The following IL16 variants were observed in gnomAD, a reference collection of about 807,000 sequenced individuals.
IL16 encodes interleukin 16, also known as pro-interleukin-16.
Under a neutral mutation model 110.1 loss-of-function variants are expected in IL16, and 67 were observed. The ratio of observed to expected loss-of-function variants is 0.61; its 90% CI spans 0.50 to 0.75. The LOEUF is 0.75. Among genes scored for constraint, IL16 ranks in the 30% least tolerant of loss-of-function variants. IL16 has a pLI of 0.00. For missense variants in IL16, 1,545 were observed against 1,655.0 expected (o/e 0.93, Z 1.15); for synonymous variants, 689 against 662.9 (o/e 1.04, Z -0.61).
intron 2 of IL16, among the ~76,000 whole-genome samples, chr15:81,246,093 T>C (rs1216867568): frequency 6.6e-6 from 1 of 152,200 alleles, no homozygotes; most frequent in African/African-American, 2.4e-5. Flanking sequence ...CATCTATGAA[T>C]AATAATGGTT....
chr15:81,201,827 G>A (rs1204605476), intron 1 of IL16, among the ~76,000 whole-genome samples: 15 of 152,222 alleles, frequency 9.9e-5, no homozygotes, highest in Admixed American at 9.2e-4. Context: ...ACACACACGC[G>A]CACACACTGT....
chr15:81,269,680 T>A (rs1260260080), intron 5 of IL16, 32 bp downstream of exon 5: 1 of 1,486,948 alleles, frequency 6.7e-7, no homozygotes, highest in Non-Finnish European at 9.4e-7. Flanking sequence ...CAGGAAGTCC[T>A]GGGGGGCAGC....
At chr15:81,220,762 C>T (rs148287926) in intron 1 of IL16, among the ~76,000 whole-genome samples, 1,409 of 138,478 alleles carry the variant, frequency 0.01, 14 homozygotes, top group Middle Eastern at 0.046. Flanking sequence ...CAAAAACAGG[C>T]ACATGACAGT....
chr15:81,285,855 T>G (rs1899426699), intron 10 of IL16, 25 bp downstream of exon 10: 4 of 1,612,810 alleles, frequency 2.5e-6, no homozygotes, highest in East Asian at 4.5e-5. Context: ...GTTATCCTCT[T>G]CTTCTCAGGC....
chr15:81,228,576 G>A (rs1157273537), intron 2 of IL16, among the ~76,000 whole-genome samples: 2 of 151,964 alleles, frequency 1.3e-5, no homozygotes, highest in Non-Finnish European at 2.9e-5. Flanking sequence ...TGCCCGCCTT[G>A]GCCTCCCAAA....
At chr15:81,196,206 T>C (rs115130397), upstream of IL16, among the ~76,000 whole-genome samples, 39 of 152,318 alleles carry the variant, frequency 2.6e-4, no homozygotes, top group African/African-American at 9.1e-4. Flanking sequence ...AGAAATGAAA[T>C]GCTATGGAAA....
At chr15:81,201,175 G>A (rs77097632) in intron 1 of IL16, among the ~76,000 whole-genome samples, 1,613 of 151,092 alleles carry the variant, frequency 0.011, 30 homozygotes, top group African/African-American at 0.038. Context: ...GTGTGTGTAT[G>A]TGTGGTGAAA....
At chr15:81,256,911 G>T (rs1214630198) in intron 2 of IL16, among the ~76,000 whole-genome samples, 1 of 152,150 alleles carries the variant, frequency 6.6e-6, no homozygotes, top group Non-Finnish European at 1.5e-5. Context: ...ACTTCTCAGT[G>T]CCAGAGGGAG....
intron 1 of IL16, among the ~76,000 whole-genome samples, chr15:81,223,540 T>C (rs1259128485): frequency 6.6e-6 from 1 of 152,222 alleles, no homozygotes; most frequent in Non-Finnish European, 1.5e-5. Context: ...TACTGAGTCC[T>C]AGCTGTGTGA....
At chr15:81,292,047 A>G (rs1386547889) in intron 11 of IL16, 1 of 450,054 alleles carries the variant, frequency 2.2e-6, no homozygotes, top group East Asian at 7.0e-5. Flanking sequence ...CAGAGGGAGG[A>G]CGGAGCTGAG....
At position 81,303,597 on chromosome 15, in the gene IL16, G is replaced by C. The variant is rs1391082494; in HGVS notation, c.3367G>C (p.Gly1123Arg). The C allele has an allele frequency of 6.2e-7, 1 of 1,614,114 alleles. No homozygotes were observed. The highest frequency in any genetic ancestry group is 1.7e-5 in the Admixed American group (1 of 60,030). The change falls in exon 16 of 19, where the codon GGT becomes CGT. Residue 1123 changes from glycine (G) to arginine (R), a missense_variant. Coordinates refer to ENST00000683961, the MANE Select transcript of IL16 (RefSeq NM_172217.5). This position sits in a 1 kb window ranked among gnomAD's most constrained non-coding sequence, Gnocchi z 4.1. ...CATCTTACACAAGGAGGAAGGTGCT[G>C]GTCTTGGGTTCAGCTTGGCAGGAGG... is the stretch of plus-strand genomic sequence containing the variant. The part of the protein sequence containing the change: ...VTILHKEEGA[G>R]LGFSLAGGAD...
intron 2 of IL16, among the ~76,000 whole-genome samples, chr15:81,243,835 G>A (rs1323359923): frequency 6.6e-6 from 1 of 152,160 alleles, no homozygotes; most frequent in Non-Finnish European, 1.5e-5. Flanking sequence ...ATTTATGTGT[G>A]TAGAGTGGTT....
chr15:81,217,923 T>C (rs1055383643), intron 1 of IL16, among the ~76,000 whole-genome samples: 14 of 152,150 alleles, frequency 9.2e-5, no homozygotes, highest in African/African-American at 3.1e-4. Flanking sequence ...GTCAACATTC[T>C]ACATACTAGA....
rs1843112532 is a variant in IL16 at position 81,300,251 on chromosome 15, T to C, written c.2925T>C (p.Cys975=). The change falls in exon 14 of 19, where the codon TGT becomes TGC. Residue 975 remains cysteine (C), a synonymous_variant. Coordinates refer to ENST00000683961, the MANE Select transcript of IL16 (RefSeq NM_172217.5). The stretch of plus-strand genomic sequence containing the variant: ...TCCCCCTGACCAGGTCCCAGTCCTG[T>C]GAGACGAAGCTACTTGACGAAAAGA... The part of the protein sequence containing the change: ...RSFPLTRSQS[C]ETKLLDEKTS... 1 of 1,614,248 alleles carries C rather than the reference T, an allele frequency of 6.2e-7. No homozygotes were observed.
intron 1 of IL16, among the ~76,000 whole-genome samples, chr15:81,216,076 GCC>G (rs1896418782): frequency 6.6e-6 from 1 of 152,226 alleles, no homozygotes; most frequent in Admixed American, 6.5e-5. Context: ...TCCCAGGGAA[GCC>G]AGCCCTGCTC....
At chr15:81,201,982 C>G (rs1433653778) in intron 1 of IL16, among the ~76,000 whole-genome samples, 2 of 152,166 alleles carry the variant, frequency 1.3e-5, no homozygotes, top group Non-Finnish European at 2.9e-5. Context: ...CAGATTTGAA[C>G]CAGAGATGGG....
At chr15:81,203,425 G>A (rs1302942259) in intron 1 of IL16, among the ~76,000 whole-genome samples, 3 of 152,020 alleles carry the variant, frequency 2.0e-5, no homozygotes, top group Admixed American at 6.6e-5. Flanking sequence ...GTATTGCCTA[G>A]GTTTTCTTCC....
At chr15:81,249,701 G>A (rs916560960) in intron 2 of IL16, among the ~76,000 whole-genome samples, 2 of 151,990 alleles carry the variant, frequency 1.3e-5, no homozygotes. Context: ...GATTTGTTGG[G>A]TTTCATGAAT....
intron 1 of IL16, among the ~76,000 whole-genome samples, chr15:81,204,082 C>T (rs1456830967): frequency 6.6e-6 from 1 of 151,770 alleles, no homozygotes; most frequent in East Asian, 1.9e-4. Flanking sequence ...CTCTTTGAAG[C>T]AATTGTGAAT....
Sources: gnomAD v4.1 joint callset for allele counts (sites outside exome capture counted in the v4.1 genomes callset) on GRCh38, gnomAD v4.1.1 for gene constraint, Gnocchi (gnomAD v3.1) non-coding constraint, MANE v1.5 for transcripts, NCBI Gene and HGNC (gene_info 2026-07-23, HGNC 2026-07-21) for gene names.